Variants in CDK5RAP2 observed in about 807,000 individuals in gnomAD.
CDK5RAP2 encodes CDK5 regulatory subunit-associated protein 2.
A neutral mutation model predicts 232.9 loss-of-function variants in CDK5RAP2; 147 were observed. The observed-to-expected ratio is 0.63, with a 90% CI of 0.55 to 0.72. The LOEUF is 0.72. Ranked by LOEUF, CDK5RAP2 falls within the 30% of genes least tolerant of loss-of-function variation. CDK5RAP2 has a pLI of 0.00. For missense variants in CDK5RAP2, 2,195 were observed against 2,231.5 expected, an observed-to-expected ratio of 0.98 and a Z score of 0.33; for synonymous variants, 833 against 833.7, an observed-to-expected ratio of 1.00 and a Z score of 0.01.
chr9:120,481,546 T>C (rs1323354111), intron 14 of CDK5RAP2, among the ~76,000 whole-genome samples: 2 of 148,394 alleles, frequency 1.3e-5, no homozygotes, highest in Admixed American at 1.3e-4. Context: ...GGAGTCTCTC[T>C]CTGTCTCCCA....
rs550718983 is a variant in CDK5RAP2 at position 120,469,254 on chromosome 9, G to A, written c.1968+857C>T. ...TGGGCAAACTCCGAATTCGTCCTTC[G>A]AAACCCACTTCAAGTCTCACTTCTG... is the stretch of plus-strand genomic sequence containing the variant. On this transcript the variant is annotated intron_variant, in intron 17 of 37. Coordinates refer to ENST00000349780, the MANE Select transcript of CDK5RAP2 (RefSeq NM_018249.6). Among the ~76,000 whole-genome samples, 45 of 152,132 alleles carry A rather than the reference G, an allele frequency of 3.0e-4. No homozygotes were observed. The East Asian group carries it at 7.9e-3, about 27-fold the overall frequency.
intron 11 of CDK5RAP2, among the ~76,000 whole-genome samples, chr9:120,519,719 T>A (rs1362349470): frequency 6.6e-6 from 1 of 152,258 alleles, no homozygotes; most frequent in East Asian, 1.9e-4. Flanking sequence ...TCTTTAAAAA[T>A]CTTTGTCTTC....
At chr9:120,429,547 T>C (rs1480967404) in intron 25 of CDK5RAP2, among the ~76,000 whole-genome samples, 2 of 152,154 alleles carry the variant, frequency 1.3e-5, no homozygotes, top group African/African-American at 2.4e-5. Context: ...GAATTCAACT[T>C]ACAAGGGACG....
intron 32 of CDK5RAP2, 104 bp from the exon 33 acceptor site, chr9:120,404,217 C>T: frequency 1.3e-6 from 1 of 769,164 alleles, no homozygotes; most frequent in Non-Finnish European, 2.3e-6. Flanking sequence ...CTTATCCATA[C>T]ACACACAGCA....
chr9:120,447,473 G>T (rs1222433832), intron 22 of CDK5RAP2, among the ~76,000 whole-genome samples: 4 of 152,242 alleles, frequency 2.6e-5, no homozygotes, highest in South Asian at 4.1e-4. Flanking sequence ...TCTAGAGGAA[G>T]ACGCAAGGTT....
intron 22 of CDK5RAP2, among the ~76,000 whole-genome samples, chr9:120,447,619 C>T (rs903928107): frequency 3.9e-5 from 6 of 152,220 alleles, no homozygotes; most frequent in Non-Finnish European, 8.8e-5. Flanking sequence ...GGGGCATCTG[C>T]GGACAATCCT....
chr9:120,500,795 G>A (rs551153272), intron 12 of CDK5RAP2, among the ~76,000 whole-genome samples: 1 of 152,136 alleles, frequency 6.6e-6, no homozygotes, highest in South Asian at 2.1e-4. Flanking sequence ...GATTATGAGG[G>A]TTCACCTTTC....
chr9:120,460,955 T>C (rs1272488283), intron 18 of CDK5RAP2, among the ~76,000 whole-genome samples: 1 of 152,228 alleles, frequency 6.6e-6, no homozygotes, highest in Non-Finnish European at 1.5e-5. Flanking sequence ...TTTCCTGAGC[T>C]GCCGTAAATT....
chr9:120,449,115 C>G (rs553463323), intron 21 of CDK5RAP2, among the ~76,000 whole-genome samples: 5 of 152,326 alleles, frequency 3.3e-5, no homozygotes, highest in Admixed American at 1.3e-4. Context: ...AGTTATACCC[C>G]CTTCCACTTC....
At chr9:120,396,445 G>A (rs1370475480) in intron 35 of CDK5RAP2, among the ~76,000 whole-genome samples, 1 of 152,236 alleles carries the variant, frequency 6.6e-6, no homozygotes, top group African/African-American at 2.4e-5. Context: ...AAGACAGTGG[G>A]AATGATCATT....
At position 120,453,606 on chromosome 9, in the gene CDK5RAP2, G is replaced by A. The variant is rs758681504; in HGVS notation, c.2643C>T (p.Asp881=). 45 of 1,614,028 alleles carry A rather than the reference G, an allele frequency of 2.8e-5. No individual in the cohort carries two copies. Among genetic ancestry groups the A allele is most frequent in the Non-Finnish European group, 3.3e-5 (39 of 1,180,040 alleles). The change falls in exon 21 of 38, where the codon GAC becomes GAT. Residue 881 remains aspartate, a synonymous_variant. Transcript: ENST00000349780. ...TTGCTTCATGCTTGAATCTCAGCAG[G>A]TCGCCCTCCGTGGCCACAGTCTGCA... ...ASVQTVATEG[D]LLRFKHEATR... is the part of the protein sequence containing the mutation.
chr9:120,546,825 T>C (rs1454591630), intron 4 of CDK5RAP2, among the ~76,000 whole-genome samples: 3 of 152,090 alleles, frequency 2.0e-5, no homozygotes, highest in African/African-American at 4.8e-5. Flanking sequence ...GTTTTACAGA[T>C]TGGGTCTTGC....
At chr9:120,544,989 T>TAGTG (rs1221110553) in intron 5 of CDK5RAP2, among the ~76,000 whole-genome samples, 6 of 152,214 alleles carry the variant, frequency 3.9e-5, no homozygotes, top group African/African-American at 1.4e-4. Flanking sequence ...AATCAATTGA[T>TAGTG]TCACTGACTG....
intron 21 of CDK5RAP2, among the ~76,000 whole-genome samples, chr9:120,452,149 C>A (rs1026343211): frequency 4.6e-5 from 7 of 151,602 alleles, no homozygotes; most frequent in African/African-American, 1.7e-4. Flanking sequence ...TATACAGGTA[C>A]AAATTGAAGG....
intron 20 of CDK5RAP2, among the ~76,000 whole-genome samples, chr9:120,455,399 A>G (rs1186808589): frequency 1.3e-5 from 2 of 149,132 alleles, no homozygotes; most frequent in Non-Finnish European, 1.5e-5. Flanking sequence ...AACGAAGGCC[A>G]CTGAAAGGCC....
chr9:120,475,326 G>A (rs2037944949), intron 15 of CDK5RAP2, among the ~76,000 whole-genome samples: 1 of 152,158 alleles, frequency 6.6e-6, no homozygotes, highest in African/African-American at 2.4e-5. Flanking sequence ...GTTAGTCCCG[G>A]TTAGTCTTTG....
chr9:120,472,590 T>C (rs2037774297), intron 15 of CDK5RAP2, among the ~76,000 whole-genome samples: 1 of 152,098 alleles, frequency 6.6e-6, no homozygotes, highest in South Asian at 2.1e-4. Flanking sequence ...AAAGGACTAA[T>C]CTATTAGGGG....
chr9:120,393,043 A>C (rs143230236), intron 36 of CDK5RAP2, among the ~76,000 whole-genome samples: 5 of 152,256 alleles, frequency 3.3e-5, no homozygotes, highest in Admixed American at 6.5e-5. Flanking sequence ...GCACGTCCTA[A>C]GCATGTCCCT....
chr9:120,435,309 C>A (rs995919743), intron 25 of CDK5RAP2, among the ~76,000 whole-genome samples: 1 of 152,016 alleles, frequency 6.6e-6, no homozygotes, highest in African/African-American at 2.4e-5. Context: ...CTGAGTAAAT[C>A]AGCAGATATG....
Sources: allele counts gnomAD v4.1 joint callset (sites outside exome capture counted in the v4.1 genomes callset), GRCh38; gene constraint gnomAD v4.1.1; transcripts MANE v1.5; gene names NCBI Gene and HGNC (gene_info 2026-07-23, HGNC 2026-07-21).